The following DLC1 variants were observed in gnomAD, a reference collection of about 807,000 sequenced individuals.
DLC1 encodes DLC1 Rho GTPase activating protein.
In DLC1, 54 loss-of-function variants were observed where a neutral mutation model predicts 140.3. That is an observed-to-expected ratio of 0.38 (90% CI 0.31 to 0.48). The LOEUF is 0.48. Ranked by LOEUF, DLC1 falls within the 20% of genes least tolerant of loss-of-function variation. DLC1 has a pLI of 0.96. For synonymous variants in DLC1, 986 were observed against 728.1 expected, an observed-to-expected ratio of 1.35 and a Z score of -5.70; for missense variants, 2,536 against 1,907.0, an observed-to-expected ratio of 1.33 and a Z score of -6.14.
chr8:13,240,055 G>A (rs1427198972), intron 5 of DLC1, among the ~76,000 whole-genome samples: 3 of 152,082 alleles, frequency 2.0e-5, no homozygotes, highest in Non-Finnish European at 2.9e-5. Context: ...CAGTAGACAC[G>A]TGGGAACAAG....
intron 4 of DLC1, among the ~76,000 whole-genome samples, chr8:13,382,529 A>AAT: frequency 9.1e-6 from 1 of 109,456 alleles, no homozygotes; most frequent in South Asian, 2.8e-4. Context: ...AAAAAAAAAA[A>AAT]AAAGAAAGAG....
intron 1 of DLC1, among the ~76,000 whole-genome samples, chr8:13,585,612 A>C (rs1805277204): frequency 6.6e-6 from 1 of 152,164 alleles, no homozygotes; most frequent in Admixed American, 6.6e-5. Flanking sequence ...GGAAGTCCGA[A>C]ATTGAGGTAT....
At chr8:13,110,694 T>G (rs894962869) in intron 7 of DLC1, 48 bp downstream of exon 7, 1 of 1,539,880 alleles carries the variant, frequency 6.5e-7, no homozygotes, top group Non-Finnish European at 8.9e-7. Flanking sequence ...AGAAGTACTG[T>G]GTTCTTAAAA....
intron 5 of DLC1, among the ~76,000 whole-genome samples, chr8:13,130,947 A>T (rs1404192676): frequency 6.6e-6 from 1 of 152,266 alleles, no homozygotes. Context: ...AAAAGTATGC[A>T]TCTGCGCTCA....
At chr8:13,142,908 G>T (rs563230459) in intron 5 of DLC1, among the ~76,000 whole-genome samples, 1 of 152,130 alleles carries the variant, frequency 6.6e-6, no homozygotes, top group African/African-American at 2.4e-5. Flanking sequence ...AATTAGCTGG[G>T]TGTGGTGGCA....
At chr8:13,263,007 A>G (rs1830526192) in intron 5 of DLC1, among the ~76,000 whole-genome samples, 2 of 152,216 alleles carry the variant, frequency 1.3e-5, no homozygotes, top group South Asian at 4.1e-4. Flanking sequence ...AAGTGTTACT[A>G]GTGCATTTAA....
upstream of DLC1, among the ~76,000 whole-genome samples, chr8:13,517,956 T>C (rs1802643473): frequency 6.6e-6 from 1 of 152,266 alleles, no homozygotes; most frequent in Non-Finnish European, 1.5e-5. Flanking sequence ...CTTTCAGGTA[T>C]TTTTAGAATC....
chr8:13,554,928 T>C (rs919879044), intron 1 of DLC1, among the ~76,000 whole-genome samples: 1 of 152,228 alleles, frequency 6.6e-6, no homozygotes, highest in East Asian at 1.9e-4. Flanking sequence ...TTTCACTCAT[T>C]CTCTGCTATT....
At chr8:13,492,782 G>A (rs771094816) in intron 2 of DLC1, among the ~76,000 whole-genome samples, 1 of 152,174 alleles carries the variant, frequency 6.6e-6, no homozygotes, top group Non-Finnish European at 1.5e-5. Flanking sequence ...ACAATTAAAT[G>A]TTTTTGCATT....
chr8:13,215,953 A>C (rs927390980), intron 5 of DLC1, among the ~76,000 whole-genome samples: 1 of 152,106 alleles, frequency 6.6e-6, no homozygotes, highest in African/African-American at 2.4e-5. Flanking sequence ...TGCCCACCAG[A>C]TCCCTCTTAC....
intron 1 of DLC1, among the ~76,000 whole-genome samples, chr8:13,581,140 G>A (rs571133487): frequency 2.6e-5 from 4 of 152,196 alleles, no homozygotes; most frequent in Non-Finnish European, 5.9e-5. Context: ...ACATCTGCAT[G>A]CCTGGGAGAT....
upstream of DLC1, among the ~76,000 whole-genome samples, chr8:13,519,852 G>C (rs10089186): frequency 0.15 from 23,425 of 152,184 alleles, 2,964 homozygotes; most frequent in East Asian, 0.56. Context: ...CGTTTATGTA[G>C]CAACAGACAT....
intron 2 of DLC1, among the ~76,000 whole-genome samples, chr8:13,475,184 A>G (rs1425969867): frequency 1.3e-5 from 2 of 152,194 alleles, no homozygotes; most frequent in African/African-American, 4.8e-5. Flanking sequence ...ATAAGTTTCT[A>G]AATATTGATT....
chr8:13,477,388 G>A, intron 2 of DLC1, among the ~76,000 whole-genome samples: 1 of 152,302 alleles, frequency 6.6e-6, no homozygotes, highest in African/African-American at 2.4e-5. Context: ...CTGAGAAGCA[G>A]TAAGAGCCCG....
intron 7 of DLC1, among the ~76,000 whole-genome samples, chr8:13,106,352 C>T (rs1201494038): frequency 6.6e-6 from 1 of 152,200 alleles, no homozygotes; most frequent in Non-Finnish European, 1.5e-5. Flanking sequence ...TTACATGCTA[C>T]TCCCAGCCTT....
At chr8:13,595,235 A>T (rs1805645871) in intron 1 of DLC1, among the ~76,000 whole-genome samples, 1 of 152,042 alleles carries the variant, frequency 6.6e-6, no homozygotes, top group African/African-American at 2.4e-5. Context: ...TCCAACAAAA[A>T]TCACAAGGAT....
intron 2 of DLC1, among the ~76,000 whole-genome samples, chr8:13,477,398 G>T (rs1800482416): frequency 6.6e-6 from 1 of 152,164 alleles, no homozygotes; most frequent in Non-Finnish European, 1.5e-5. Context: ...GTAAGAGCCC[G>T]TGGGAGACCA....
chr8:13,592,846 T>G (rs770117660), intron 1 of DLC1, among the ~76,000 whole-genome samples: 13 of 152,154 alleles, frequency 8.5e-5, no homozygotes, highest in Non-Finnish European at 1.5e-4. Context: ...GTTACACACA[T>G]TTTGCCATGT....
At chr8:13,383,005 T>C (rs998510260) in intron 4 of DLC1, among the ~76,000 whole-genome samples, 16 of 152,298 alleles carry the variant, frequency 1.1e-4, no homozygotes, top group African/African-American at 1.2e-4. Context: ...GAAACACCTA[T>C]AGCTTGGCTC....
Sources: gnomAD v4.1 joint callset for allele counts (sites outside exome capture counted in the v4.1 genomes callset) on GRCh38, gnomAD v4.1.1 for gene constraint, MANE v1.5 for transcripts, NCBI Gene and HGNC (gene_info 2026-07-23, HGNC 2026-07-21) for gene names.